Variants in GRIA3 observed in about 807,000 individuals in gnomAD.
GRIA3 encodes glutamate receptor 3.
GRIA3 carries 3 observed loss-of-function variants against 63.0 expected under a neutral mutation model. The ratio of observed to expected loss-of-function variants is 0.05; its 90% CI spans 0.02 to 0.12. The LOEUF (loss-of-function observed/expected upper bound fraction) is 0.12, where lower values mean the gene tolerates loss of function less well. Ranked by LOEUF, GRIA3 falls within the 10% of genes least tolerant of loss-of-function variation. GRIA3 has a pLI of 1.00. For synonymous variants in GRIA3, 274 were observed against 257.9 expected (o/e 1.06, Z -0.60); for missense variants, 347 against 700.9 (o/e 0.50, Z 5.70).
intron 2 of GRIA3, among the ~76,000 whole-genome samples, chrX:123,210,582 C>T (rs1928017391): frequency 9.0e-6 from 1 of 111,506 alleles, no homozygotes; most frequent in Non-Finnish European, 1.9e-5. Flanking sequence ...AGGGTTTAGA[C>T]AGGGTAATAT....
intron 15 of GRIA3, 117 bp downstream of exon 15, chrX:123,483,163 A>G: frequency 1.7e-6 from 1 of 601,388 alleles, no homozygotes; most frequent in Non-Finnish European, 2.7e-6. Flanking sequence ...TCTCTTTGCA[A>G]CCATTTGATT....
intron 2 of GRIA3, among the ~76,000 whole-genome samples, chrX:123,206,602 T>C (rs1196303014): frequency 9.3e-6 from 1 of 106,954 alleles, no homozygotes; most frequent in Non-Finnish European, 2.0e-5. Context: ...CCATACAGGC[T>C]ACCCATATTG....
intron 15 of GRIA3, 75 bp downstream of exon 15, chrX:123,483,121 T>C (rs1223455559): frequency 1.1e-6 from 1 of 916,421 alleles, no homozygotes; most frequent in Non-Finnish European, 1.6e-6. Context: ...CTTTTTTTTT[T>C]TTTTTAGTTT....
chrX:123,278,685 T>G, intron 3 of GRIA3, among the ~76,000 whole-genome samples: 1 of 112,574 alleles, frequency 8.9e-6, no homozygotes, highest in African/African-American at 3.2e-5. Context: ...GAGGCTGTCC[T>G]TTTCCCAAAT....
At chrX:123,307,699 G>T in intron 3 of GRIA3, among the ~76,000 whole-genome samples, 1 of 110,553 alleles carries the variant, frequency 9.0e-6, no homozygotes, top group Non-Finnish European at 1.9e-5. Context: ...CCCTACTCTA[G>T]GATTCAGTCC....
chrX:123,343,739 G>A (rs182218533), intron 4 of GRIA3, among the ~76,000 whole-genome samples: 107 of 108,580 alleles, frequency 9.9e-4, no homozygotes, highest in African/African-American at 3.2e-3. Context: ...AGTCTCAAGC[G>A]ATCCTCCTTC....
intron 12 of GRIA3, among the ~76,000 whole-genome samples, chrX:123,453,104 C>A (rs192001766): frequency 9.0e-6 from 1 of 111,558 alleles, no homozygotes; most frequent in African/African-American, 3.3e-5. Flanking sequence ...ATGTTTATTG[C>A]GACACTATTC....
At chrX:123,355,649 TG>T (rs937841306) in intron 5 of GRIA3, among the ~76,000 whole-genome samples, 1 of 111,780 alleles carries the variant, frequency 8.9e-6, no homozygotes, top group Admixed American at 9.5e-5. Flanking sequence ...CTCCATGAAA[TG>T]AAAGAGAAAT....
At position 123,489,082 on chromosome X, in the gene GRIA3, T is replaced by TACACACACACACACACACACAC. The variant is rs34745333; in HGVS notation, c.*386_*407dup. 2 of 94,180 alleles carry TACACACACACACACACACACAC rather than the reference T, an allele frequency of 2.1e-5. No homozygotes were observed. The highest frequency in any genetic ancestry group is 7.7e-5 in the African/African-American group (2 of 26,033). The allele number at this position is 94,180 out of a possible 1,213,427, so 7.8% of individuals were successfully genotyped here. The stretch of plus-strand genomic sequence containing the variant: ...AGTATATAAACACCATGTTCTTTAA[T>TACACACACACACACACACACAC]ACACACACACACACACACACACACA... On this transcript the variant is annotated 3_prime_UTR_variant, in exon 16 of 16. Transcript: ENST00000620443.
chrX:123,403,605 C>T lies in GRIA3; in HGVS notation c.1293+86C>T, dbSNP rs2045455005. The stretch of plus-strand genomic sequence containing the variant: ...GTATTTTTCCACCAGTAGAAAAGAC[C>T]TCAAGTTCAAACAGTAAAAACTTCC... On this transcript the variant is annotated intron_variant, in intron 9 of 15. Coordinates refer to ENST00000620443, the MANE Select transcript of GRIA3 (RefSeq NM_007325.5). 3 of 642,548 alleles carry T rather than the reference C, an allele frequency of 4.7e-6. No homozygotes were observed. The Admixed American group carries it at 6.8e-5, about 15-fold the overall frequency. The allele number at this position is 642,548 out of a possible 1,213,427, so 53.0% of individuals were successfully genotyped here.
intron 3 of GRIA3, among the ~76,000 whole-genome samples, chrX:123,289,822 T>G (rs191907200): frequency 1.8e-5 from 2 of 110,881 alleles, no homozygotes; most frequent in African/African-American, 6.5e-5. Context: ...TTTCTGAGGT[T>G]GCTAAAGTAC....
intron 2 of GRIA3, among the ~76,000 whole-genome samples, chrX:123,226,486 A>C (rs1424455881): frequency 9.0e-6 from 1 of 111,492 alleles, no homozygotes; most frequent in African/African-American, 3.3e-5. Context: ...ACACTCTGAG[A>C]GTACAGATGG....
chrX:123,396,233 A>AATAATAATGATG (rs1354946998), intron 6 of GRIA3, among the ~76,000 whole-genome samples: 3 of 105,605 alleles, frequency 2.8e-5, no homozygotes, highest in Non-Finnish European at 5.8e-5. Flanking sequence ...TAATAATAAT[A>AATAATAATGATG]ATGATGATAA....
At chrX:123,465,210 CTT>C (rs2045828123) in intron 13 of GRIA3, 98 bp downstream of exon 13, 1 of 898,833 alleles carries the variant, frequency 1.1e-6, no homozygotes, top group Non-Finnish European at 1.6e-6. Context: ...TTTGAGGTAA[CTT>C]TTAAAAGTTT....
At chrX:123,389,478 T>C (rs1451396619) in intron 5 of GRIA3, among the ~76,000 whole-genome samples, 3 of 111,371 alleles carry the variant, frequency 2.7e-5, no homozygotes, top group African/African-American at 9.8e-5. Context: ...CTTTGTCTCC[T>C]TTCACTGTTT....
chrX:123,190,153 A>G (rs1927390570), intron 2 of GRIA3, among the ~76,000 whole-genome samples: 1 of 110,036 alleles, frequency 9.1e-6, no homozygotes, highest in Non-Finnish European at 1.9e-5. Context: ...CCAGGTGAAG[A>G]CTCCTGGGAT....
chrX:123,476,121 G>T (rs1305594932), intron 13 of GRIA3, among the ~76,000 whole-genome samples: 1 of 111,536 alleles, frequency 9.0e-6, no homozygotes, highest in Non-Finnish European at 1.9e-5. Flanking sequence ...GATTTGACAA[G>T]TATTTATTAA....
intron 14 of GRIA3, 67 bp downstream of exon 14, chrX:123,480,244 C>T (rs1225736137): frequency 4.3e-6 from 3 of 690,404 alleles, no homozygotes; most frequent in East Asian, 6.7e-5. Context: ...TATTTTCTAC[C>T]CTAAAACGGC....
intron 2 of GRIA3, among the ~76,000 whole-genome samples, chrX:123,229,161 T>C (rs753610450): frequency 1.8e-5 from 2 of 111,343 alleles, no homozygotes; most frequent in East Asian, 2.8e-4. Context: ...CTCTTGCAGA[T>C]AGAAAAACTG....
Sources: allele counts gnomAD v4.1 joint callset (sites outside exome capture counted in the v4.1 genomes callset), GRCh38; gene constraint gnomAD v4.1.1; transcripts MANE v1.5; gene names NCBI Gene and HGNC (gene_info 2026-07-23, HGNC 2026-07-21).